Variants in NKAIN3 observed in about 807,000 individuals in gnomAD.
NKAIN3 encodes the protein sodium/potassium transporting ATPase interacting 3, also known as sodium/potassium-transporting ATPase subunit beta-1-interacting protein 3.
A neutral mutation model predicts 30.2 loss-of-function variants in NKAIN3; 25 were observed. That is an observed-to-expected ratio of 0.83 (90% CI 0.60 to 1.16). The LOEUF (loss-of-function observed/expected upper bound fraction) is 1.16. Among genes scored for constraint, NKAIN3 ranks in the 50% most tolerant of loss-of-function variants. The pLI, the probability that NKAIN3 is intolerant of heterozygous loss-of-function variation, is 0.00. For missense variants in NKAIN3, 225 were observed against 254.1 expected, an observed-to-expected ratio of 0.89 and a Z score of 0.78; for synonymous variants, 91 against 89.6, an observed-to-expected ratio of 1.02 and a Z score of -0.09.
chr8:62,614,314 G>A (rs116179315), intron 3 of NKAIN3, among the ~76,000 whole-genome samples: 167 of 152,262 alleles, frequency 1.1e-3, no homozygotes, highest in African/African-American at 3.8e-3. Context: ...AGGATTTTCA[G>A]ATACTCTTGT....
intron 4 of NKAIN3, among the ~76,000 whole-genome samples, chr8:62,844,114 G>A (rs928930721): frequency 6.6e-6 from 1 of 152,154 alleles, no homozygotes; most frequent in Admixed American, 6.6e-5. Flanking sequence ...CAATGCAAAA[G>A]CTAAACCAAG....
At chr8:62,618,480 T>C (rs1811526758) in intron 3 of NKAIN3, among the ~76,000 whole-genome samples, 1 of 152,042 alleles carries the variant, frequency 6.6e-6, no homozygotes, top group Admixed American at 6.5e-5. Flanking sequence ...AAAACTGCTG[T>C]AGTCCCTCAT....
At chr8:62,811,587 T>G (rs1333610720) in intron 4 of NKAIN3, among the ~76,000 whole-genome samples, 1 of 151,486 alleles carries the variant, frequency 6.6e-6, no homozygotes, top group Non-Finnish European at 1.5e-5. Context: ...CATAGTAATA[T>G]ATCATTGTGG....
intron 4 of NKAIN3, among the ~76,000 whole-genome samples, chr8:62,806,925 T>A (rs1163569021): frequency 1.3e-5 from 2 of 152,120 alleles, no homozygotes; most frequent in Admixed American, 1.3e-4. Flanking sequence ...ATTCCTGTCC[T>A]CTGCAGGGCA....
chr8:62,883,203 G>A (rs182174723), intron 4 of NKAIN3, among the ~76,000 whole-genome samples: 77 of 152,166 alleles, frequency 5.1e-4, no homozygotes, highest in Non-Finnish European at 9.9e-4. Flanking sequence ...CATGAGGTGT[G>A]TCTTCTATTA....
intron 3 of NKAIN3, among the ~76,000 whole-genome samples, chr8:62,690,493 T>A (rs1813932383): frequency 6.6e-6 from 1 of 152,230 alleles, no homozygotes; most frequent in Non-Finnish European, 1.5e-5. Context: ...ACGGCAGATG[T>A]ACAATCTGGG....
chr8:62,898,211 G>A (rs1188262039), intron 4 of NKAIN3, among the ~76,000 whole-genome samples: 1 of 123,768 alleles, frequency 8.1e-6, no homozygotes, highest in East Asian at 2.7e-4. Flanking sequence ...TGGGCAATAA[G>A]AAAATGGGAA....
chr8:62,939,534 T>C (rs1291012515), intron 5 of NKAIN3, among the ~76,000 whole-genome samples: 1 of 152,174 alleles, frequency 6.6e-6, no homozygotes, highest in Non-Finnish European at 1.5e-5. Flanking sequence ...AAGGAAAACC[T>C]ATCAGATTAA....
At chr8:62,988,165 G>T (rs1465922353), downstream of NKAIN3, among the ~76,000 whole-genome samples, 2 of 152,228 alleles carry the variant, frequency 1.3e-5, no homozygotes, top group East Asian at 3.9e-4. Context: ...CTGTGGCTTT[G>T]CAGGGTACAA....
chr8:62,869,091 G>A (rs1014182864), intron 4 of NKAIN3, among the ~76,000 whole-genome samples: 3 of 152,152 alleles, frequency 2.0e-5, no homozygotes, highest in Admixed American at 6.5e-5. Context: ...AAATGACCTC[G>A]GCAAAGAATG....
In NKAIN3 at chr8:62,479,286, C is replaced by T. The variant is rs10504349; in HGVS notation, c.55-100253C>T. Among the ~76,000 whole-genome samples, 28 of 152,242 alleles carry T rather than the reference C, an allele frequency of 1.8e-4. 1 individual carries two copies. Among genetic ancestry groups the T allele is most frequent in the Admixed American group, 1.5e-3 (23 of 15,292 alleles). ...AAGCACCTCTTATATCCTAGGTTCT[C>T]TGACAGGTACTCTACCTACATTATC... On this transcript the variant is annotated intron_variant, in intron 1 of 6. Transcript: ENST00000623646.
chr8:62,913,157 T>A (rs1821975547), intron 4 of NKAIN3, among the ~76,000 whole-genome samples: 3 of 151,898 alleles, frequency 2.0e-5, no homozygotes, highest in African/African-American at 7.3e-5. Context: ...TGAACATTTT[T>A]TTTTTTTAGA....
At chr8:62,504,193 T>A (rs1178769953) in intron 1 of NKAIN3, among the ~76,000 whole-genome samples, 1 of 152,176 alleles carries the variant, frequency 6.6e-6, no homozygotes, top group Non-Finnish European at 1.5e-5. Flanking sequence ...TTATTGAATC[T>A]GAGGTGGAAC....
At chr8:62,255,934 A>G (rs1033342551) in intron 1 of NKAIN3, among the ~76,000 whole-genome samples, 2 of 152,194 alleles carry the variant, frequency 1.3e-5, no homozygotes, top group African/African-American at 4.8e-5. Flanking sequence ...AGCTCCTTGC[A>G]TGATTCTGAG....
chr8:62,841,851 A>G (rs945843846), intron 4 of NKAIN3, among the ~76,000 whole-genome samples: 1 of 152,062 alleles, frequency 6.6e-6, no homozygotes, highest in Non-Finnish European at 1.5e-5. Flanking sequence ...ATCATATGGG[A>G]GTTCTATTTT....
At chr8:62,721,643 A>G (rs1449266010) in intron 3 of NKAIN3, among the ~76,000 whole-genome samples, 1 of 152,204 alleles carries the variant, frequency 6.6e-6, no homozygotes, top group Non-Finnish European at 1.5e-5. Flanking sequence ...TTGCCTTTGT[A>G]TTGTAGATAT....
intron 1 of NKAIN3, among the ~76,000 whole-genome samples, chr8:62,387,536 T>C (rs535164144): frequency 7.4e-4 from 113 of 152,320 alleles, no homozygotes; most frequent in African/African-American, 2.6e-3. Flanking sequence ...CATTATATTA[T>C]GGAAGATACA....
intron 4 of NKAIN3, among the ~76,000 whole-genome samples, chr8:62,812,511 T>C (rs62509399): frequency 0.19 from 29,403 of 151,664 alleles, 3,264 homozygotes; most frequent in East Asian, 0.29. Flanking sequence ...CTTTCTTTCA[T>C]TGACATTTTA....
At position 62,618,388 on chromosome 8, in the gene NKAIN3, C is replaced by G. The variant is rs376844595; in HGVS notation, c.273+28594C>G. Among the ~76,000 whole-genome samples the G allele has an allele frequency of 3.3e-5, 5 of 152,160 alleles. No individual in the cohort carries two copies. The East Asian group carries it at 9.7e-4, about 30-fold the overall frequency. ...TATCAGGATCCAAAACTTCATGAGT[C>G]GATCCAGCAGGGAGTGAAGGGAGGA... On this transcript the variant is annotated intron_variant, in intron 3 of 6. Transcript: ENST00000623646.
Sources: allele counts gnomAD v4.1 joint callset (sites outside exome capture counted in the v4.1 genomes callset), GRCh38; gene constraint gnomAD v4.1.1; transcripts MANE v1.5; gene names NCBI Gene and HGNC (gene_info 2026-07-23, HGNC 2026-07-21).